The following ELAVL1 variants were observed in gnomAD, a reference collection of about 807,000 sequenced individuals.
ELAVL1 encodes the protein ELAV like RNA binding protein 1.
Under a neutral mutation model 28.4 loss-of-function variants are expected in ELAVL1, and 1 was observed. The ratio of observed to expected loss-of-function variants is 0.04; its 90% CI spans 0.01 to 0.17. The LOEUF (loss-of-function observed/expected upper bound fraction) is 0.17, where lower values mean the gene tolerates loss of function less well. Ranked by LOEUF, ELAVL1 falls within the 10% of genes least tolerant of loss-of-function variation. The pLI is 1.00. For synonymous variants in ELAVL1, 174 were observed against 183.5 expected (o/e 0.95, Z 0.42); for missense variants, 157 against 447.2 (o/e 0.35, Z 5.85).
intron 3 of ELAVL1, among the ~76,000 whole-genome samples, chr19:7,977,159 T>C (rs991602674): frequency 1.3e-5 from 2 of 152,212 alleles, no homozygotes; most frequent in African/African-American, 4.8e-5. Context: ...GAAGAACGCC[T>C]GCCTATCTGC....
intron 1 of ELAVL1, among the ~76,000 whole-genome samples, chr19:7,997,833 C>A (rs755103214): frequency 6.6e-6 from 1 of 151,912 alleles, no homozygotes; most frequent in East Asian, 1.9e-4. Flanking sequence ...TGTATGCAAT[C>A]CCAGCTAATC....
chr19:7,991,786 G>A lies in ELAVL1; in HGVS notation c.30C>T (p.Ala10=), dbSNP rs766789609. The A allele has an allele frequency of 2.9e-5, 47 of 1,613,568 alleles. No homozygotes were observed. Among genetic ancestry groups the A allele is most frequent in the Non-Finnish European group, 3.5e-5 (41 of 1,179,876 alleles). Residue 10 remains alanine (A), a synonymous_variant, in exon 2 of 6, where the codon GCC becomes GCT. Coordinates refer to ENST00000407627, the MANE Select transcript of ELAVL1 (RefSeq NM_001419.3). MSNGYEDHM[A]EDCRGDIGRT... is the part of the protein sequence containing the mutation. ...TCCCGATGTCACCCCTGCAGTCTTC[G>A]GCCATGTGGTCTTCATAACCATTAG...
chr19:7,998,355 A>C (rs17261158), intron 1 of ELAVL1, among the ~76,000 whole-genome samples: 35,446 of 152,146 alleles, frequency 0.23, 4,409 homozygotes, highest in Non-Finnish European at 0.28. Context: ...CCCCTCTGGT[A>C]TTCCCTGTCA....
At chr19:7,965,127 G>A (rs1166163521) in intron 5 of ELAVL1, among the ~76,000 whole-genome samples, 1 of 152,224 alleles carries the variant, frequency 6.6e-6, no homozygotes. Flanking sequence ...GTCTCACTAT[G>A]TTGTCCAGTA....
intron 1 of ELAVL1, among the ~76,000 whole-genome samples, chr19:8,004,294 A>G (rs1229727795): frequency 1.3e-5 from 2 of 152,236 alleles, no homozygotes; most frequent in Non-Finnish European, 2.9e-5. Context: ...TTTATAGATA[A>G]GAAAACTAAG....
rs1304268377 is a variant in ELAVL1, at chr19:7,982,274, G to A, written c.173-1088C>T. Among the ~76,000 whole-genome samples the A allele has an allele frequency of 2.0e-5, 3 of 152,154 alleles. No individual in the cohort carries two copies. Among genetic ancestry groups the A allele is most frequent in the African/African-American group, 4.8e-5 (2 of 41,424 alleles). On this transcript the variant is annotated intron_variant, in intron 2 of 5. Transcript: ENST00000407627. This position sits in a 1 kb window ranked among gnomAD's most constrained non-coding sequence, Gnocchi z 4.3. ...GGGAAGAGCGCAATCCCCGTCTCCCGCAGCTTATCCATGCACTTGCAAGGC... is the reference window on the plus strand; with the variant it reads ...GGGAAGAGCGCAATCCCCGTCTCCCACAGCTTATCCATGCACTTGCAAGGC...
intron 2 of ELAVL1, among the ~76,000 whole-genome samples, chr19:7,985,678 C>T (rs989505462): frequency 6.6e-6 from 1 of 152,128 alleles, no homozygotes; most frequent in East Asian, 1.9e-4. Context: ...GCAAACGGGG[C>T]CCCTGGGATG....
Position 7,960,699 on chromosome 19 carries a change from T to C in ELAVL1, c.*2784A>G, listed in dbSNP as rs1024872523. 3.3e-5 allele frequency: 5 copies of C among 152,660 alleles called. No individual in the cohort carries two copies. Among genetic ancestry groups the C allele is most frequent in the African/African-American group, 1.2e-4 (5 of 41,452 alleles). The allele number at this position is 152,660 out of a possible 1,614,324, so 9.5% of individuals were successfully genotyped here. ...AACCAGATTTTTGATAAATGAACAT[T>C]ATCTACTCTGAACGCTTTTTCATCG... is the stretch of plus-strand genomic sequence containing the variant. On this transcript the variant is annotated 3_prime_UTR_variant, in exon 6 of 6. Transcript: ENST00000407627.
rs369819401 is a variant in ELAVL1 at position 7,960,542 on chromosome 19, G to A, written c.*2941C>T. 2 of 152,518 alleles carry A rather than the reference G, an allele frequency of 1.3e-5. No homozygotes were observed. The highest frequency in any genetic ancestry group is 2.1e-4 in the South Asian group (1 of 4,836). The allele number at this position is 152,518 out of a possible 1,614,324, so 9.4% of individuals were successfully genotyped here. On this transcript the variant is annotated 3_prime_UTR_variant, in exon 6 of 6. Coordinates refer to ENST00000407627, the MANE Select transcript of ELAVL1 (RefSeq NM_001419.3). ...ACACTGAAAACGAAATAATGGCAGA[G>A]CCAAGGGGGAACAAGGGAGAATTCA...
chr19:8,001,993 A>C, intron 1 of ELAVL1: 2 of 1,259,656 alleles, frequency 1.6e-6, no homozygotes, highest in Non-Finnish European at 2.1e-6. Context: ...GTCTCCCCCC[A>C]GCCTCTCCAC....
intron 3 of ELAVL1, among the ~76,000 whole-genome samples, chr19:7,975,988 G>T (rs1460558253): frequency 6.6e-6 from 1 of 152,022 alleles, no homozygotes; most frequent in East Asian, 1.9e-4. Flanking sequence ...AGCTACTCGG[G>T]AGGCTGAGGT....
intron 1 of ELAVL1, among the ~76,000 whole-genome samples, chr19:7,998,275 A>T (rs1278685210): frequency 6.6e-6 from 1 of 151,576 alleles, no homozygotes; most frequent in African/African-American, 2.4e-5. Flanking sequence ...ATTATCACTG[A>T]CTCCCAAGTC....
intron 1 of ELAVL1, among the ~76,000 whole-genome samples, chr19:8,000,026 C>T (rs2081062140): frequency 6.6e-6 from 1 of 152,220 alleles, no homozygotes; most frequent in Non-Finnish European, 1.5e-5. Flanking sequence ...ATCCACCCGC[C>T]TTGGCCTCCC....
chr19:7,978,674 T>C (rs1251260190), intron 3 of ELAVL1, among the ~76,000 whole-genome samples: 1 of 152,152 alleles, frequency 6.6e-6, no homozygotes. Context: ...GTCATTCTAG[T>C]GAGTCATGCA....
intron 1 of ELAVL1, among the ~76,000 whole-genome samples, chr19:7,994,966 A>G (rs1169648601): frequency 1.3e-5 from 2 of 151,624 alleles, no homozygotes; most frequent in African/African-American, 4.9e-5. Context: ...AACAAAACAA[A>G]ACAAAAAGTG....
In ELAVL1 at chr19:7,979,773, G is replaced by T. The variant is rs921699637; in HGVS notation, c.276+1310C>A. 6.6e-6 allele frequency among the ~76,000 whole-genome samples: 1 copy of T among 152,228 alleles called. No individual in the cohort carries two copies. Among genetic ancestry groups the T allele is most frequent in the Admixed American group, 6.5e-5 (1 of 15,290 alleles). ...TGCACACCACGTCCATGCGGCATGG[G>T]GCAGGTCTGGGAGAGCTGCTGCTGA... On this transcript the variant is annotated intron_variant, in intron 3 of 5. Transcript: ENST00000407627. The surrounding 1 kb of genome is among the most constrained non-coding windows in gnomAD (Gnocchi z 5.4).
intron 1 of ELAVL1, among the ~76,000 whole-genome samples, chr19:7,995,649 C>G (rs1032598419): frequency 6.6e-6 from 1 of 152,172 alleles, no homozygotes; most frequent in Non-Finnish European, 1.5e-5. Context: ...TATTTACCAT[C>G]TGGCTCTTCA....
chr19:7,972,729 C>G (rs1406376948), intron 4 of ELAVL1, among the ~76,000 whole-genome samples: 1 of 148,538 alleles, frequency 6.7e-6, no homozygotes, highest in Non-Finnish European at 1.5e-5. Flanking sequence ...TGGGCTCAAG[C>G]AATCCTCCCA....
chr19:7,984,773 G>A (rs939275111), intron 2 of ELAVL1, among the ~76,000 whole-genome samples: 9 of 152,332 alleles, frequency 5.9e-5, no homozygotes, highest in African/African-American at 1.9e-4. Flanking sequence ...GTTTCCACCC[G>A]CTGGGTGAGG....
Sources: gnomAD v4.1 joint callset for allele counts (sites outside exome capture counted in the v4.1 genomes callset) on GRCh38, gnomAD v4.1.1 for gene constraint, Gnocchi (gnomAD v3.1) non-coding constraint, MANE v1.5 for transcripts, NCBI Gene and HGNC (gene_info 2026-07-23, HGNC 2026-07-21) for gene names.